Variants in ELOVL5 observed in about 807,000 individuals in gnomAD.
ELOVL5 encodes ELOVL fatty acid elongase 5, also known as very long chain fatty acid elongase 5.
ELOVL5 carries 8 observed loss-of-function variants against 38.6 expected under a neutral mutation model. The ratio of observed to expected loss-of-function variants is 0.21; its 90% CI spans 0.12 to 0.37. ELOVL5 has a LOEUF of 0.37. ELOVL5 is among the 10% of genes least tolerant of loss of function. The pLI is 1.00. For missense variants in ELOVL5, 280 were observed against 367.8 expected, an observed-to-expected ratio of 0.76 and a Z score of 1.95; for synonymous variants, 127 against 133.7, an observed-to-expected ratio of 0.95 and a Z score of 0.34.
In ELOVL5 at chr6:53,281,045, C is replaced by A. The variant is rs189664343; in HGVS notation, c.247-4789G>T. On this transcript the variant is annotated intron_variant, in intron 3 of 7. Coordinates refer to ENST00000304434, the MANE Select transcript of ELOVL5 (RefSeq NM_021814.5). Reference sequence around the variant, plus strand: ...TCTCAGGAAACAAGGTCACTGGAAACACTTAAAGAAAAAGGAGGAAAACAT... The same window carrying A: ...TCTCAGGAAACAAGGTCACTGGAAAAACTTAAAGAAAAAGGAGGAAAACAT... Among the ~76,000 whole-genome samples the A allele has an allele frequency of 2.6e-3, 395 of 152,258 alleles. 1 individual carries two copies. The highest frequency in any genetic ancestry group is 8.6e-3 in the African/African-American group (358 of 41,522).
intron 1 of ELOVL5, among the ~76,000 whole-genome samples, chr6:53,339,282 T>A (rs993833970): frequency 6.6e-6 from 1 of 152,228 alleles, no homozygotes; most frequent in African/African-American, 2.4e-5. Flanking sequence ...CCATGAATTT[T>A]GTGATTCTCT....
At chr6:53,283,440 C>A (rs1561866783) in intron 3 of ELOVL5, among the ~76,000 whole-genome samples, 1 of 152,134 alleles carries the variant, frequency 6.6e-6, no homozygotes, top group Non-Finnish European at 1.5e-5. Context: ...AGAGGCATTA[C>A]CTCACAGATA....
intron 1 of ELOVL5, among the ~76,000 whole-genome samples, chr6:53,309,945 C>T (rs1018113491): frequency 6.6e-6 from 1 of 152,164 alleles, no homozygotes; most frequent in Non-Finnish European, 1.5e-5. Flanking sequence ...CCTCAGAAAA[C>T]GTGTGTGACA....
rs148417847 is a variant in ELOVL5, at chr6:53,302,879, A to G, written c.-8-7172T>C. ...TTTAGCTATTGTCTAGCTTAACTTC[A>G]TCATATCCTGCTTTACTTTTTTTTT... On this transcript the variant is annotated intron_variant, in intron 1 of 7. Coordinates refer to ENST00000304434, the MANE Select transcript of ELOVL5 (RefSeq NM_021814.5). Among the ~76,000 whole-genome samples, 162 of 152,246 alleles carry G rather than the reference A, an allele frequency of 1.1e-3. 1 individual carries two copies. Among genetic ancestry groups the G allele is most frequent in the African/African-American group, 3.5e-3 (145 of 41,548 alleles).
At chr6:53,339,315 A>G (rs982116772) in intron 1 of ELOVL5, among the ~76,000 whole-genome samples, 1 of 152,200 alleles carries the variant, frequency 6.6e-6, no homozygotes, top group African/African-American at 2.4e-5. Flanking sequence ...GCTGATACTT[A>G]TAGCCATTAC....
At chr6:53,313,247 C>A (rs1767911906) in intron 1 of ELOVL5, among the ~76,000 whole-genome samples, 1 of 152,176 alleles carries the variant, frequency 6.6e-6, no homozygotes, top group African/African-American at 2.4e-5. Flanking sequence ...GATGAGCAGG[C>A]ACAGATAATT....
At chr6:53,293,010 A>G (rs1252438207) in intron 2 of ELOVL5, among the ~76,000 whole-genome samples, 2 of 152,134 alleles carry the variant, frequency 1.3e-5, no homozygotes, top group African/African-American at 2.4e-5. Flanking sequence ...AGCCGCCAGC[A>G]GCAAACTGAC....
intron 1 of ELOVL5, chr6:53,337,131 C>T (rs536833204): frequency 6.6e-6 from 1 of 152,436 alleles, no homozygotes; most frequent in African/African-American, 2.4e-5. Context: ...AAATCTGAAC[C>T]ACATGACCAC....
At chr6:53,278,493 C>CTA (rs766672818) in intron 3 of ELOVL5, among the ~76,000 whole-genome samples, 2 of 152,174 alleles carry the variant, frequency 1.3e-5, no homozygotes, top group East Asian at 3.8e-4. Context: ...TGCCTTGACT[C>CTA]TTTAAACTAG....
chr6:53,333,028 C>T (rs2127592060), intron 1 of ELOVL5, among the ~76,000 whole-genome samples: 1 of 152,332 alleles, frequency 6.6e-6, no homozygotes, highest in Non-Finnish European at 1.5e-5. Context: ...GAGAAAATTA[C>T]ATGACACTCC....
chr6:53,292,975 G>T (rs1766832083), intron 2 of ELOVL5, among the ~76,000 whole-genome samples: 2 of 152,180 alleles, frequency 1.3e-5, no homozygotes, highest in Admixed American at 1.3e-4. Context: ...TTCTTAGGCA[G>T]GGAGGAGGGA....
intron 1 of ELOVL5, among the ~76,000 whole-genome samples, chr6:53,345,791 T>G (rs1769515130): frequency 1.3e-5 from 2 of 152,206 alleles, no homozygotes. Flanking sequence ...CAAATAATCC[T>G]GGCAGCACAG....
intron 1 of ELOVL5, among the ~76,000 whole-genome samples, chr6:53,340,437 A>G (rs183179989): frequency 6.6e-6 from 1 of 152,304 alleles, no homozygotes; most frequent in Admixed American, 6.5e-5. Context: ...CAGTGTTTAT[A>G]AAGTCTAGAG....
rs1015959760 is a variant in ELOVL5 at position 53,348,822 on chromosome 6, A to G, written c.-14T>C. On this transcript the variant is annotated 5_prime_UTR_variant, in exon 1 of 8. Transcript: ENST00000304434. ...CCCGGAGCTGACGGCTTTACCTTTTAGCCCAAGGGGCGGCAGCAGCTTTGA... is the reference window on the plus strand; with the variant it reads ...CCCGGAGCTGACGGCTTTACCTTTTGGCCCAAGGGGCGGCAGCAGCTTTGA... 8.8e-5 allele frequency: 40 copies of G among 456,660 alleles called. No individual in the cohort carries two copies. Among genetic ancestry groups the G allele is most frequent in the African/African-American group, 7.6e-4 (38 of 50,030 alleles). The allele number at this position is 456,660 out of a possible 1,614,324, so 28.3% of individuals were successfully genotyped here. A position where few individuals can be genotyped will look rare whatever the true frequency, so the allele number is the denominator to read the frequency against.
chr6:53,343,668 A>C (rs1455058856), intron 1 of ELOVL5, among the ~76,000 whole-genome samples: 1 of 152,254 alleles, frequency 6.6e-6, no homozygotes. Context: ...CAATGCTCAG[A>C]GTTGATTTTC....
At chr6:53,324,143 C>T (rs947682760) in intron 1 of ELOVL5, among the ~76,000 whole-genome samples, 2 of 151,110 alleles carry the variant, frequency 1.3e-5, no homozygotes, top group African/African-American at 4.9e-5. Context: ...ATCCCAGCTA[C>T]TCAGGAGGCT....
At chr6:53,343,662 G>C (rs961871484) in intron 1 of ELOVL5, among the ~76,000 whole-genome samples, 10 of 152,200 alleles carry the variant, frequency 6.6e-5, no homozygotes, top group African/African-American at 2.4e-4. Flanking sequence ...AGAGACCAAT[G>C]CTCAGAGTTG....
chr6:53,308,756 A>G (rs1026293948), intron 1 of ELOVL5, among the ~76,000 whole-genome samples: 4 of 151,906 alleles, frequency 2.6e-5, no homozygotes, highest in African/African-American at 7.3e-5. Context: ...GTATCCATAC[A>G]CTGTATTACA....
At chr6:53,275,794 T>C (rs1766089906) in intron 4 of ELOVL5, among the ~76,000 whole-genome samples, 1 of 152,220 alleles carries the variant, frequency 6.6e-6, no homozygotes, top group Non-Finnish European at 1.5e-5. Flanking sequence ...TGGCCTGTGA[T>C]TTAAAACAAA....
Sources: gnomAD v4.1 joint callset for allele counts (sites outside exome capture counted in the v4.1 genomes callset) on GRCh38, gnomAD v4.1.1 for gene constraint, MANE v1.5 for transcripts, NCBI Gene and HGNC (gene_info 2026-07-23, HGNC 2026-07-21) for gene names.